Variants in CPLANE1 observed in about 807,000 individuals in gnomAD.
CPLANE1 encodes the protein ciliogenesis and planar polarity effector complex subunit 1, also known as ciliogenesis and planar polarity effector 1.
In CPLANE1, 263 loss-of-function variants were observed where a neutral mutation model predicts 362.5. The ratio of observed to expected loss-of-function variants is 0.73; its 90% CI spans 0.66 to 0.80. The LOEUF (loss-of-function observed/expected upper bound fraction) is 0.80, where lower values mean the gene tolerates loss of function less well. Among genes scored for constraint, CPLANE1 ranks in the 30% least tolerant of loss-of-function variants. CPLANE1 has a pLI of 0.00. For synonymous variants in CPLANE1, 1,212 were observed against 1,302.6 expected, an observed-to-expected ratio of 0.93 and a Z score of 1.50; for missense variants, 3,461 against 3,793.4, an observed-to-expected ratio of 0.91 and a Z score of 2.30.
chr5:37,247,542 AAC>A, intron 2 of CPLANE1, 74 bp downstream of exon 2: 1 of 1,265,576 alleles, frequency 7.9e-7, no homozygotes, highest in South Asian at 1.4e-5. Context: ...AAGATCATAG[AAC>A]ACTCCTATAT....
intron 1 of CPLANE1, among the ~76,000 whole-genome samples, chr5:37,248,653 G>A (rs556460888): frequency 6.6e-6 from 1 of 152,072 alleles, no homozygotes; most frequent in East Asian, 1.9e-4. Context: ...CGAAGACTCC[G>A]GCTCAAAAAT....
chr5:37,136,960 T>A (rs1767913757), intron 46 of CPLANE1, among the ~76,000 whole-genome samples: 1 of 152,154 alleles, frequency 6.6e-6, no homozygotes, highest in Admixed American at 6.5e-5. Flanking sequence ...GCCATGAAGG[T>A]CTCTGACATG....
chr5:37,224,946 CTTTT>C (rs199801993), intron 12 of CPLANE1, among the ~76,000 whole-genome samples: 2 of 131,284 alleles, frequency 1.5e-5, no homozygotes, highest in Admixed American at 7.7e-5. Flanking sequence ...CACCTGTAAT[CTTTT>C]TTTTTTTTTT....
chr5:37,121,524 C>A, intron 49 of CPLANE1, 93 bp downstream of exon 49: 1 of 1,130,168 alleles, frequency 8.8e-7, no homozygotes, highest in Non-Finnish European at 1.3e-6. Flanking sequence ...AGGGTAAATG[C>A]AAATGCACTG....
At chr5:37,227,875 A>G (rs1796797292) in intron 9 of CPLANE1, 58 bp from the exon 10 acceptor site, 4 of 1,440,904 alleles carry the variant, frequency 2.8e-6, no homozygotes, top group Non-Finnish European at 3.7e-6. Flanking sequence ...ACGGAAAACA[A>G]TAATGTTTTT....
intron 18 of CPLANE1, among the ~76,000 whole-genome samples, chr5:37,202,913 G>A (rs945617192): frequency 4.0e-5 from 6 of 150,458 alleles, no homozygotes; most frequent in Admixed American, 6.7e-5. Context: ...TATCTATTTT[G>A]TATATATTTA....
intron 31 of CPLANE1, among the ~76,000 whole-genome samples, chr5:37,175,174 A>AT (rs1403892428): frequency 6.6e-6 from 1 of 152,198 alleles, no homozygotes; most frequent in East Asian, 1.9e-4. Context: ...GGGTGGGTGC[A>AT]TTCATGCTTG....
intron 45 of CPLANE1, 98 bp downstream of exon 45, chr5:37,139,242 A>T: frequency 8.3e-7 from 1 of 1,199,764 alleles, no homozygotes; most frequent in Non-Finnish European, 1.2e-6. Flanking sequence ...AACCACAAAG[A>T]TATATATAAT....
intron 46 of CPLANE1, among the ~76,000 whole-genome samples, chr5:37,136,234 T>C (rs1407895577): frequency 6.6e-6 from 1 of 152,106 alleles, no homozygotes. Flanking sequence ...CCGGTCCAAA[T>C]AGGAGAAATT....
At chr5:37,089,086 T>C in the CPLANE1 span, among the ~76,000 whole-genome samples, 1 of 152,108 alleles carries the variant, frequency 6.6e-6, no homozygotes, top group Non-Finnish European at 1.5e-5. Context: ...TAATCACTGA[T>C]CAAGGACCCA....
intron 27 of CPLANE1, 31 bp from the exon 28 acceptor site, chr5:37,180,214 C>T: frequency 7.2e-7 from 1 of 1,382,260 alleles, no homozygotes; most frequent in East Asian, 2.6e-5. Flanking sequence ...AAAATTACAA[C>T]TATTCTTGGA....
At chr5:37,142,117 T>C in intron 44 of CPLANE1, 193 bp downstream of exon 44, 2 of 1,113,952 alleles carry the variant, frequency 1.8e-6, no homozygotes, top group Non-Finnish European at 2.3e-6. Flanking sequence ...ATAATTGCAG[T>C]ATGTCTTATG....
At chr5:37,224,824 T>G (rs1014483223) in intron 12 of CPLANE1, 84 bp from the exon 13 acceptor site, 12 of 834,758 alleles carry the variant, frequency 1.4e-5, no homozygotes, top group Non-Finnish European at 1.3e-5. Flanking sequence ...TTTTTTTTTT[T>G]GCCTGTATTC....
At chr5:37,115,359 T>A (rs1760627699) in intron 50 of CPLANE1, among the ~76,000 whole-genome samples, 1 of 152,224 alleles carries the variant, frequency 6.6e-6, no homozygotes, top group Non-Finnish European at 1.5e-5. Flanking sequence ...AATAAGCCTC[T>A]TAGCAGTAAA....
Position 37,221,482 on chromosome 5 carries a change from C to A in CPLANE1, c.2588G>T (p.Arg863Ile). 1 of 1,494,910 alleles carries A rather than the reference C, an allele frequency of 6.7e-7. No homozygotes were observed. The highest frequency in any genetic ancestry group is 1.4e-5 in the South Asian group (1 of 73,718). 92.6% of individuals were successfully genotyped at this position (1,494,910 alleles called of 1,614,324 possible). The change falls in exon 15 of 53, where the codon AGA (arginine) becomes ATA (isoleucine). Residue 863 changes from arginine to isoleucine, a missense_variant. This residue lies in a region of CPLANE1 where 3,380 missense variants were observed against 3,666.1 expected (regional missense o/e 0.92). Coordinates refer to ENST00000651892, the MANE Select transcript of CPLANE1 (RefSeq NM_001384732.1). ...ALQEIEEKGG[R>I]RTYFLQIRYY... is the part of the protein sequence containing the mutation. The stretch of plus-strand genomic sequence containing the variant: ...GCGTATCTGAAGAAAATACGTCCTT[C>A]TTCCTCCTGAAACAAGAAGTAAGCT...
chr5:37,232,705 G>A (rs139972285), intron 8 of CPLANE1, among the ~76,000 whole-genome samples: 2 of 151,400 alleles, frequency 1.3e-5, no homozygotes, highest in East Asian at 1.9e-4. Context: ...TCGTGGTGGC[G>A]TGCACCTGTA....
chr5:37,191,366 T>C (rs1190634300), intron 21 of CPLANE1, among the ~76,000 whole-genome samples: 1 of 152,038 alleles, frequency 6.6e-6, no homozygotes, highest in Non-Finnish European at 1.5e-5. Context: ...ACCATGTCTC[T>C]ATTTTACAAA....
chr5:37,229,141 C>T (rs1308402865), intron 9 of CPLANE1, among the ~76,000 whole-genome samples: 20 of 139,636 alleles, frequency 1.4e-4, no homozygotes, highest in African/African-American at 4.3e-4. Context: ...TTCTTGAACA[C>T]GGGAGGTGGT....
At position 37,169,386 on chromosome 5, in the gene CPLANE1, A is replaced by C; in HGVS notation, c.6638T>G (p.Ile2213Ser). 6.2e-7 allele frequency: 1 copy of C among 1,614,216 alleles called. No homozygotes were observed. The highest frequency in any genetic ancestry group is 1.1e-5 in the South Asian group (1 of 91,084). The change falls in exon 34 of 53, where the codon ATC (isoleucine) becomes AGC (serine). Residue 2213 changes from isoleucine to serine, a missense_variant. By Grantham distance (142) the Ile-to-Ser change is moderately radical (BLOSUM62 -2). This residue lies in a region of CPLANE1 where 3,380 missense variants were observed against 3,666.1 expected (regional missense o/e 0.92). Coordinates refer to ENST00000651892, the MANE Select transcript of CPLANE1 (RefSeq NM_001384732.1). ...AGGACTAAATGTTTTTGCATGTGGG[A>C]TAAGTCTAGGTGCCTTCTGAACAAC... ...PSVVQKAPRL[I>S]PHAKTFSPGD...
Sources: allele counts gnomAD v4.1 joint callset (sites outside exome capture counted in the v4.1 genomes callset), GRCh38; gene constraint gnomAD v4.1.1; regional missense constraint gnomAD v4.1.1; transcripts MANE v1.5; gene names NCBI Gene and HGNC (gene_info 2026-07-23, HGNC 2026-07-21).